AKR1C2: variants seen among roughly 807,000 people sequenced by gnomAD.
The protein encoded by AKR1C2 is aldo-keto reductase family 1 member C2, also known as 3-alpha-HSD3.
Under a neutral mutation model 39.8 loss-of-function variants are expected in AKR1C2, and 27 were observed. The ratio of observed to expected loss-of-function variants is 0.68; its 90% CI spans 0.50 to 0.93. The LOEUF (loss-of-function observed/expected upper bound fraction) is 0.93. Among genes scored for constraint, AKR1C2 ranks in the 40% least tolerant of loss-of-function variants. The pLI is 0.00. For missense variants in AKR1C2, 263 were observed against 365.1 expected (o/e 0.72, Z 2.28); for synonymous variants, 114 against 137.9 (o/e 0.83, Z 1.22).
Position 4,995,868 on chromosome 10 carries a change from G to A in AKR1C2, c.571-3C>T, listed in dbSNP as rs782168555. On this transcript the variant is annotated splice_region_variant and splice_polypyrimidine_tract_variant and intron_variant, in intron 5 of 8. Coordinates refer to ENST00000380753, the MANE Select transcript of AKR1C2 (RefSeq NM_001393392.1). ...TTGAAGTAAGGATGACATTCCACCT[G>A]CAGACGAGCAAGATGGAAAAGCATC... The A allele has an allele frequency of 5.0e-6, 8 of 1,610,106 alleles. No homozygotes were observed. The African/African-American group carries it at 9.4e-5, about 19-fold the overall frequency.
chr10:4,989,860 G>A lies in AKR1C2; in HGVS notation c.*136C>T. On this transcript the variant is annotated 3_prime_UTR_variant, in exon 9 of 9. Coordinates refer to ENST00000380753, the MANE Select transcript of AKR1C2 (RefSeq NM_001393392.1). ...CTTTCTTTTCCGGCCGATGGGCTTAGCTGTAGCTTACTGAAGTCGCCAAGC... is the reference window on the plus strand; with the variant it reads ...CTTTCTTTTCCGGCCGATGGGCTTAACTGTAGCTTACTGAAGTCGCCAAGC... The A allele has an allele frequency of 2.3e-6, 3 of 1,306,190 alleles. No individual in the cohort carries two copies. Among genetic ancestry groups the A allele is most frequent in the South Asian group, 1.4e-5 (1 of 73,386 alleles). The allele number at this position is 1,306,190 out of a possible 1,614,324, so 80.9% of individuals were successfully genotyped here. A position where few individuals can be genotyped will look rare whatever the true frequency, so the allele number is the denominator to read the frequency against.
chr10:5,014,890 T>C (rs1837606675), intron 1 of AKR1C2: 1 of 152,246 alleles, frequency 6.6e-6, no homozygotes, highest in African/African-American at 2.4e-5. Flanking sequence ...AGTTTAGATA[T>C]TGGTTCTCTT....
Position 4,989,616 on chromosome 10 carries a change from C to G in AKR1C2, c.*380G>C. 4.2e-6 allele frequency: 1 copy of G among 237,138 alleles called. No individual in the cohort carries two copies. Among genetic ancestry groups the G allele is most frequent in the Non-Finnish European group, 8.1e-6 (1 of 123,334 alleles). The allele number at this position is 237,138 out of a possible 1,614,324, so 14.7% of individuals were successfully genotyped here. ...ATAAATACCTGTCACCTGCCCCTTT[C>G]CCAGAGGGTGAAACTCCACCCACTC... On this transcript the variant is annotated 3_prime_UTR_variant, in exon 9 of 9. Coordinates refer to ENST00000380753, the MANE Select transcript of AKR1C2 (RefSeq NM_001393392.1).
chr10:5,010,066 G>C (rs1837486991), intron 1 of AKR1C2, among the ~76,000 whole-genome samples: 1 of 143,784 alleles, frequency 7.0e-6, no homozygotes, highest in African/African-American at 2.6e-5. Context: ...ATAGAAAGCT[G>C]TCACACTGGC....
At chr10:4,993,222 A>G (rs1836902936) in intron 7 of AKR1C2, among the ~76,000 whole-genome samples, 1 of 152,222 alleles carries the variant, frequency 6.6e-6, no homozygotes. Flanking sequence ...TATTAAATAA[A>G]TGAAGAAGTT....
At chr10:5,009,181 G>A (rs1426267253) in intron 1 of AKR1C2, among the ~76,000 whole-genome samples, 5 of 152,318 alleles carry the variant, frequency 3.3e-5, no homozygotes, top group African/African-American at 1.2e-4. Context: ...TATGACATTA[G>A]TTGAAATTTC....
chr10:5,003,764 A>G lies in AKR1C2; in HGVS notation c.72T>C (p.Tyr24=), dbSNP rs1246671300. Residue 24 remains tyrosine, a synonymous_variant, in exon 1 of 9, where the codon TAT becomes TAC. Coordinates refer to ENST00000380753, the MANE Select transcript of AKR1C2 (RefSeq NM_001393392.1). ...ATATTATTGTTACCTCTGCAGGCGC[A>G]TAGGTGCCAAATCCCAGGACAGGCA... The part of the protein sequence containing the change: ...HFMPVLGFGT[Y]APAEVPKSKA... 1 of 1,613,994 alleles carries G rather than the reference A, an allele frequency of 6.2e-7. No homozygotes were observed. Among genetic ancestry groups the G allele is most frequent in the Admixed American group, 1.7e-5 (1 of 59,998 alleles).
At chr10:5,017,215 T>A (rs1229205088) in intron 1 of AKR1C2, among the ~76,000 whole-genome samples, 2 of 152,232 alleles carry the variant, frequency 1.3e-5, no homozygotes, top group African/African-American at 4.8e-5. Context: ...CACCTTGAAT[T>A]CTTCCTCAGA....
At chr10:4,990,526 C>T (rs532026744) in intron 8 of AKR1C2, among the ~76,000 whole-genome samples, 156 of 152,120 alleles carry the variant, frequency 1.0e-3, no homozygotes, top group African/African-American at 1.9e-3. Flanking sequence ...GCCTATCATA[C>T]GCAACACACT....
At chr10:5,005,424 T>TGTAA (rs1269523083), upstream of AKR1C2, among the ~76,000 whole-genome samples, 2 of 152,194 alleles carry the variant, frequency 1.3e-5, no homozygotes, top group Non-Finnish European at 2.9e-5. Context: ...GGTTCACACC[T>TGTAA]GTAATCCCAG....
At chr10:4,997,946 C>A (rs1172708548) in intron 5 of AKR1C2, among the ~76,000 whole-genome samples, 1 of 152,166 alleles carries the variant, frequency 6.6e-6, no homozygotes. Flanking sequence ...CAGCTGATTG[C>A]ATGACAGACT....
chr10:5,011,701 C>T (rs1236418435), intron 1 of AKR1C2, among the ~76,000 whole-genome samples: 1 of 152,138 alleles, frequency 6.6e-6, no homozygotes, highest in Non-Finnish European at 1.5e-5. Context: ...TTTCAATTTA[C>T]TTTATTATGT....
At chr10:4,994,156 G>A (rs1836942534) in intron 7 of AKR1C2, among the ~76,000 whole-genome samples, 1 of 151,448 alleles carries the variant, frequency 6.6e-6, no homozygotes, top group African/African-American at 2.4e-5. Flanking sequence ...TATCATACGT[G>A]ATGTATATTT....
chr10:4,994,093 T>C (rs1394235813), intron 7 of AKR1C2, among the ~76,000 whole-genome samples: 5 of 151,794 alleles, frequency 3.3e-5, no homozygotes, highest in African/African-American at 4.8e-5. Flanking sequence ...AATAGTGACG[T>C]ATATACATAT....
chr10:5,004,858 CAG>C (rs1174816063), upstream of AKR1C2: 2 of 138,926 alleles, frequency 1.4e-5, no homozygotes, highest in Admixed American at 7.4e-5. Context: ...ATAAAACAAA[CAG>C]AAATTGAAAA....
intron 1 of AKR1C2, among the ~76,000 whole-genome samples, chr10:5,002,563 T>C (rs1392954943): frequency 7.0e-6 from 1 of 143,250 alleles, no homozygotes; most frequent in Non-Finnish European, 1.5e-5. Context: ...TTCAGCTCCA[T>C]AAATTCAAGG....
rs563009289 is a variant in AKR1C2, at chr10:5,003,821, G to T, written c.15C>A (p.Tyr5Ter). Reference sequence around the variant, plus strand: ...GACCATCATTCAGCTTCACACACTGGTATTTCGAATCCATTTCTGTCACTG... The same window carrying T: ...GACCATCATTCAGCTTCACACACTGTTATTTCGAATCCATTTCTGTCACTG... MDSK[Y>*]QCVKLNDGHF... is the part of the protein sequence containing the mutation. The change falls in exon 1 of 9, where the codon TAC becomes TAA. Residue 5 changes from tyrosine to a stop codon, truncating the protein, a stop_gained. Coordinates refer to ENST00000380753, the MANE Select transcript of AKR1C2 (RefSeq NM_001393392.1). LOFTEE classifies it high-confidence loss of function. 2 of 1,611,070 alleles carry T rather than the reference G, an allele frequency of 1.2e-6. No homozygotes were observed. The highest frequency in any genetic ancestry group is 2.2e-5 in the East Asian group (1 of 44,844).
Position 4,989,161 on chromosome 10 carries a change from A to ATATCAT in AKR1C2, c.*834_*835insATGATA. ...TTCTAAATATGAGCTATTCAGGGGA[A>ATATCAT]TGTGATGAGTCAATGATATCTTCGA... is the stretch of plus-strand genomic sequence containing the variant. On this transcript the variant is annotated 3_prime_UTR_variant, in exon 9 of 9. Transcript: ENST00000380753. 1 of 152,328 alleles carries ATATCAT rather than the reference A, an allele frequency of 6.6e-6. No individual in the cohort carries two copies. Among genetic ancestry groups the ATATCAT allele is most frequent in the Non-Finnish European group, 1.5e-5 (1 of 68,032 alleles). 9.4% of individuals were successfully genotyped at this position (152,328 alleles called of 1,614,324 possible). A position where few individuals can be genotyped will look rare whatever the true frequency, so the allele number is the denominator to read the frequency against.
chr10:4,987,998 C>T lies in AKR1C2; in HGVS notation c.*1998G>A, dbSNP rs1176712320. The T allele has an allele frequency of 7.1e-6, 1 of 141,238 alleles. No homozygotes were observed. Among genetic ancestry groups the T allele is most frequent in the East Asian group, 2.1e-4 (1 of 4,712 alleles). 8.7% of individuals were successfully genotyped at this position (141,238 alleles called of 1,614,324 possible). A position where few individuals can be genotyped will look rare whatever the true frequency, so the allele number is the denominator to read the frequency against. On this transcript the variant is annotated 3_prime_UTR_variant, in exon 9 of 9. Transcript: ENST00000380753. ...ATCAGGTGTTTGGCTTTATGAAATTCTGAGTAACTTTTTTTTTTTAACAAT... is the reference window on the plus strand; with the variant it reads ...ATCAGGTGTTTGGCTTTATGAAATTTTGAGTAACTTTTTTTTTTTAACAAT...
Sources: allele counts gnomAD v4.1 joint callset (sites outside exome capture counted in the v4.1 genomes callset), GRCh38; gene constraint gnomAD v4.1.1; transcripts MANE v1.5; gene names NCBI Gene and HGNC (gene_info 2026-07-23, HGNC 2026-07-21).